TANC2: variants seen among roughly 807,000 people sequenced by gnomAD.
The protein encoded by TANC2 is protein TANC2.
A neutral mutation model predicts 210.5 loss-of-function variants in TANC2; 26 were observed. The observed-to-expected ratio is 0.12, with a 90% CI of 0.09 to 0.17. TANC2 has a LOEUF of 0.17. Ranked by LOEUF, TANC2 falls within the 10% of genes least tolerant of loss-of-function variation. TANC2 has a pLI of 1.00. For synonymous variants in TANC2, 931 were observed against 967.1 expected (o/e 0.96, Z 0.69); for missense variants, 2,129 against 2,608.9 (o/e 0.82, Z 4.01).
intron 4 of TANC2, 122 bp downstream of exon 4, chr17:63,099,479 C>A: frequency 1.7e-6 from 1 of 576,330 alleles, no homozygotes; most frequent in Non-Finnish European, 2.6e-6. Context: ...CCTAATGTCA[C>A]AGACTCTTGA....
chr17:63,117,550 G>A (rs1028361979), intron 4 of TANC2, among the ~76,000 whole-genome samples: 19 of 152,322 alleles, frequency 1.2e-4, no homozygotes, highest in African/African-American at 4.6e-4. Context: ...CATCTCTTGT[G>A]CTTTGGGACC....
chr17:63,323,153 A>C (rs1237586194), intron 11 of TANC2, among the ~76,000 whole-genome samples: 1 of 152,236 alleles, frequency 6.6e-6, no homozygotes, highest in Non-Finnish European at 1.5e-5. Context: ...TTATCTTTTA[A>C]ATAGGATTTT....
At chr17:63,320,418 T>TG (rs750572495) in intron 11 of TANC2, 5 of 152,170 alleles carry the variant, frequency 3.3e-5, no homozygotes, top group Non-Finnish European at 5.9e-5. Flanking sequence ...CCTCCTCTTT[T>TG]GTGTTTCATC....
At chr17:63,053,591 G>T (rs1174263087) in intron 2 of TANC2, among the ~76,000 whole-genome samples, 1 of 152,082 alleles carries the variant, frequency 6.6e-6, no homozygotes, top group Non-Finnish European at 1.5e-5. Context: ...TTTCCTTGGG[G>T]ATCTCATGCA....
intron 3 of TANC2, among the ~76,000 whole-genome samples, chr17:63,089,508 C>T (rs1313253283): frequency 6.6e-6 from 1 of 152,006 alleles, no homozygotes; most frequent in Non-Finnish European, 1.5e-5. Flanking sequence ...TAGGTGGGTG[C>T]CAGATCATGT....
intron 7 of TANC2, among the ~76,000 whole-genome samples, chr17:63,216,626 T>C (rs2042034131): frequency 1.3e-5 from 2 of 152,180 alleles, no homozygotes; most frequent in Admixed American, 6.5e-5. Context: ...GTGCTAACTC[T>C]GGGTAGTTAG....
chr17:63,286,400 A>AT (rs146816823), intron 9 of TANC2, among the ~76,000 whole-genome samples: 4,641 of 152,118 alleles, frequency 0.031, 94 homozygotes, highest in Non-Finnish European at 0.042. Context: ...AAGTTGACAG[A>AT]TTTTTTTTCC....
chr17:63,338,088 A>C (rs1319308343), intron 11 of TANC2, among the ~76,000 whole-genome samples: 2 of 152,202 alleles, frequency 1.3e-5, no homozygotes, highest in Non-Finnish European at 2.9e-5. Context: ...ATACGTGTGC[A>C]TGTGTCTTTA....
chr17:63,127,165 T>G (rs1175106876), intron 4 of TANC2, among the ~76,000 whole-genome samples: 1 of 152,228 alleles, frequency 6.6e-6, no homozygotes, highest in Admixed American at 6.5e-5. Flanking sequence ...GAATTCTTCT[T>G]ATGGTACTAA....
At chr17:63,388,074 T>A (rs2047842569) in intron 15 of TANC2, 1 of 152,670 alleles carries the variant, frequency 6.6e-6, no homozygotes, top group African/African-American at 2.4e-5. Context: ...CTCCATTGGA[T>A]CTTCTACATC....
At chr17:63,014,766 T>A (rs2034031665) in intron 2 of TANC2, among the ~76,000 whole-genome samples, 1 of 152,220 alleles carries the variant, frequency 6.6e-6, no homozygotes, top group Non-Finnish European at 1.5e-5. Context: ...AGCTAATTCC[T>A]TTGATTTTCT....
chr17:63,395,931 A>T lies in TANC2; in HGVS notation c.3237+3A>T. Reference sequence around the variant, plus strand: ...CAGCCAGCATGGGTTATACTGAGGTAAGAAGTAGGCAATAGGATTGTTTTT... The same window carrying T: ...CAGCCAGCATGGGTTATACTGAGGTTAGAAGTAGGCAATAGGATTGTTTTT... On this transcript the variant is annotated splice_donor_region_variant and intron_variant, in intron 18 of 27. Coordinates refer to ENST00000689528, the Ensembl canonical transcript of TANC2. The T allele has an allele frequency of 6.2e-7, 1 of 1,604,272 alleles. No homozygotes were observed.
intron 17 of TANC2, chr17:63,391,204 T>TC (rs1451415211): frequency 1.3e-5 from 2 of 152,174 alleles, no homozygotes; most frequent in Non-Finnish European, 2.9e-5. Context: ...AATGTTCCTC[T>TC]CCCTTGCTAA....
chr17:63,141,011 A>G (rs1313311001), intron 4 of TANC2, among the ~76,000 whole-genome samples: 1 of 151,864 alleles, frequency 6.6e-6, no homozygotes, highest in African/African-American at 2.4e-5. Context: ...TGGCCTCCCA[A>G]AGTGCTGGGA....
In TANC2 at chr17:63,329,952, A is replaced by G. The variant is rs372587996; in HGVS notation, c.1576-10149A>G. On this transcript the variant is annotated intron_variant, in intron 11 of 27. Coordinates refer to ENST00000689528, the Ensembl canonical transcript of TANC2. ...AAAAACCCAAAATAGGCTGAAAGCT[A>G]GGCCTCTTGCACCAAGCAAGTAATC... 3.9e-4 allele frequency among the ~76,000 whole-genome samples: 59 copies of G among 152,372 alleles called. 2 individuals are homozygous for G. The East Asian group carries it at 5.4e-3, about 14-fold the overall frequency.
chr17:63,104,876 C>T (rs2037766966), intron 4 of TANC2, among the ~76,000 whole-genome samples: 1 of 149,750 alleles, frequency 6.7e-6, no homozygotes, highest in Non-Finnish European at 1.5e-5. Flanking sequence ...TGTTTAAAGT[C>T]TCTGTACTTC....
Position 63,108,213 on chromosome 17 carries a change from A to G in TANC2, c.322+8856A>G, listed in dbSNP as rs370538921. On this transcript the variant is annotated intron_variant, in intron 4 of 27. Transcript: ENST00000689528. The stretch of plus-strand genomic sequence containing the variant: ...CATAAAATGAACAGCTCATTAAAGG[A>G]TATGGATAATTTGAATAATAAGCAA... 9.3e-4 allele frequency among the ~76,000 whole-genome samples: 141 copies of G among 151,864 alleles called. 9 individuals are homozygous for G. The highest frequency in any genetic ancestry group is 3.3e-3 in the African/African-American group (137 of 41,132).
chr17:63,204,376 G>A (rs140285208), intron 7 of TANC2, among the ~76,000 whole-genome samples: 2 of 152,152 alleles, frequency 1.3e-5, no homozygotes, highest in Non-Finnish European at 2.9e-5. Context: ...TCATGGATTG[G>A]AAGACTTGCT....
rs577509820 is a variant in TANC2, at chr17:63,288,980, G to A, written c.1159+21107G>A. Among the ~76,000 whole-genome samples the A allele has an allele frequency of 5.3e-5, 8 of 152,130 alleles. No homozygotes were observed. In the East Asian group the frequency reaches 1.4e-3, roughly 26 times the overall value. ...CAGGGTACAGAATTCTAGGTTGGTGGGGTTTTCTCTCAACATTTTAAGTAT... is the reference window on the plus strand; with the variant it reads ...CAGGGTACAGAATTCTAGGTTGGTGAGGTTTTCTCTCAACATTTTAAGTAT... On this transcript the variant is annotated intron_variant, in intron 9 of 27. Coordinates refer to ENST00000689528, the Ensembl canonical transcript of TANC2.
Sources: gnomAD v4.1 joint callset for allele counts (sites outside exome capture counted in the v4.1 genomes callset) on GRCh38, gnomAD v4.1.1 for gene constraint, MANE v1.5 for transcripts, NCBI Gene and HGNC (gene_info 2026-07-23, HGNC 2026-07-21) for gene names.